UNC5D: variants seen among roughly 807,000 people sequenced by gnomAD.
UNC5D encodes the protein unc-5 netrin receptor D.
A neutral mutation model predicts 105.4 loss-of-function variants in UNC5D; 39 were observed. The observed-to-expected ratio is 0.37, with a 90% CI of 0.29 to 0.48. The LOEUF (loss-of-function observed/expected upper bound fraction) is 0.48. UNC5D is among the 20% of genes least tolerant of loss of function. The pLI, the probability that UNC5D is intolerant of heterozygous loss-of-function variation, is 0.98. For missense variants in UNC5D, 991 were observed against 1,202.4 expected (o/e 0.82, Z 2.60); for synonymous variants, 452 against 450.4 (o/e 1.00, Z -0.04).
At chr8:35,679,842 AT>A (rs1276286071) in intron 4 of UNC5D, among the ~76,000 whole-genome samples, 2 of 152,104 alleles carry the variant, frequency 1.3e-5, no homozygotes, top group African/African-American at 4.8e-5. Context: ...AAAGAAATTT[AT>A]TTCTTACCGT....
intron 1 of UNC5D, among the ~76,000 whole-genome samples, chr8:35,303,896 C>T (rs924664258): frequency 1.3e-5 from 2 of 152,096 alleles, no homozygotes; most frequent in South Asian, 4.1e-4. Flanking sequence ...CTCAGGTTCT[C>T]TAGTTGTATT....
At chr8:35,335,307 G>T (rs1449019187) in intron 1 of UNC5D, among the ~76,000 whole-genome samples, 1 of 152,144 alleles carries the variant, frequency 6.6e-6, no homozygotes, top group East Asian at 1.9e-4. Flanking sequence ...AAATAGAATG[G>T]CTGGGTCATG....
chr8:35,709,058 C>A (rs1827777768), intron 8 of UNC5D, among the ~76,000 whole-genome samples: 1 of 152,018 alleles, frequency 6.6e-6, no homozygotes, highest in African/African-American at 2.4e-5. Flanking sequence ...TCATCACAAT[C>A]TGACTATTCT....
intron 1 of UNC5D, among the ~76,000 whole-genome samples, chr8:35,391,826 G>A (rs1342337103): frequency 4.6e-5 from 7 of 152,202 alleles, no homozygotes; most frequent in Non-Finnish European, 1.0e-4. Context: ...AAAGTGAGAT[G>A]AGTGGATGTG....
rs1270955795 is a variant in UNC5D, at chr8:35,568,165, G to A, written c.390G>A (p.Glu130=). 6.2e-7 allele frequency: 1 copy of A among 1,614,172 alleles called. No homozygotes were observed. The highest frequency in any genetic ancestry group is 2.2e-5 in the East Asian group (1 of 44,860). ...AGGTGGAGGACTTCCATGGGCCCGA[G>A]GACTATTGGTGCCAGTGTGTGGCGT... ...RQQVEDFHGP[E]DYWCQCVAWS... is the part of the protein sequence containing the mutation. The change falls in exon 3 of 17, where the codon GAG becomes GAA. Residue 130 remains glutamate (E), a synonymous_variant. Transcript: ENST00000404895.
chr8:35,570,516 T>C (rs1563545866), intron 3 of UNC5D, among the ~76,000 whole-genome samples: 1 of 152,230 alleles, frequency 6.6e-6, no homozygotes. Context: ...TGCAGGTGTC[T>C]TAATCCTTAT....
chr8:35,612,723 C>CTTTTTTTTTTTTTTTTTTTTTTTTTT (rs57450378), intron 4 of UNC5D, among the ~76,000 whole-genome samples: 2 of 64,744 alleles, frequency 3.1e-5, no homozygotes, highest in Non-Finnish European at 5.2e-5. Context: ...AATGTTTTGC[C>CTTTTTTTTTTTTTTTTTTTTTTTTTT]TTTTTTTTTT....
chr8:35,567,075 C>CAA lies in UNC5D; in HGVS notation c.323-1010_323-1009dup, dbSNP rs374314252. On this transcript the variant is annotated intron_variant, in intron 2 of 16. Coordinates refer to ENST00000404895, the MANE Select transcript of UNC5D (RefSeq NM_080872.4). ...ATTTTAGAAGGAGGATGTAAAGTAA[C>CAA]AAAAAAAAAAAAAACCATTAAAAGG... 5.2e-3 allele frequency among the ~76,000 whole-genome samples: 658 copies of CAA among 126,646 alleles called. 7 individuals carry two copies. Among genetic ancestry groups the CAA allele is most frequent in the African/African-American group, 0.017 (591 of 34,620 alleles). 83.1% of individuals were successfully genotyped at this position (126,646 alleles called of 152,430 possible).
intron 11 of UNC5D, among the ~76,000 whole-genome samples, chr8:35,736,228 G>C (rs1165189110): frequency 2.0e-5 from 3 of 152,024 alleles, no homozygotes; most frequent in Non-Finnish European, 4.4e-5. Context: ...AAAATTAATA[G>C]GGCATGGGGG....
chr8:35,284,924 G>T (rs925665477), intron 1 of UNC5D, among the ~76,000 whole-genome samples: 57 of 152,062 alleles, frequency 3.7e-4, no homozygotes, highest in Admixed American at 3.7e-3. Flanking sequence ...ATATAGTAAA[G>T]TTCTTTTAAT....
intron 1 of UNC5D, among the ~76,000 whole-genome samples, chr8:35,284,324 A>G (rs1421340646): frequency 1.3e-5 from 2 of 152,194 alleles, no homozygotes; most frequent in African/African-American, 2.4e-5. Context: ...AAAATTCACT[A>G]CTTTTGGTGA....
intron 2 of UNC5D, among the ~76,000 whole-genome samples, chr8:35,558,989 A>C (rs745825396): frequency 8.0e-5 from 12 of 149,536 alleles, no homozygotes. Context: ...CTCCAGGGGA[A>C]AAAAAAAAAG....
At chr8:35,414,604 G>A (rs1805414703) in intron 1 of UNC5D, among the ~76,000 whole-genome samples, 4 of 151,972 alleles carry the variant, frequency 2.6e-5, no homozygotes, top group Admixed American at 1.3e-4. Flanking sequence ...AATTACACAG[G>A]CCATAAGTTT....
intron 1 of UNC5D, among the ~76,000 whole-genome samples, chr8:35,419,814 TC>T (rs1348048043): frequency 6.6e-6 from 1 of 152,118 alleles, no homozygotes; most frequent in African/African-American, 2.4e-5. Flanking sequence ...TTGTCCTGTG[TC>T]CAAGAAGAAT....
chr8:35,743,959 C>G (rs933636451), intron 11 of UNC5D, among the ~76,000 whole-genome samples: 3 of 152,178 alleles, frequency 2.0e-5, no homozygotes, highest in African/African-American at 7.2e-5. Flanking sequence ...TTATATTTCA[C>G]TTGTTATCTG....
rs538289054 is a variant in UNC5D, at chr8:35,518,039, T to G, written c.104-31253T>G. ...GGGATTAAGATTTCAACATGAATTT[T>G]GGGGGGGGCATAAACATTGTTGCAA... On this transcript the variant is annotated intron_variant, in intron 1 of 16. Transcript: ENST00000404895. Among the ~76,000 whole-genome samples the G allele has an allele frequency of 1.2e-4, 18 of 151,576 alleles. No homozygotes were observed. In the South Asian group the frequency reaches 3.6e-3, roughly 30 times the overall value.
At chr8:35,727,650 C>A (rs1235450453) in intron 10 of UNC5D, 1 of 152,102 alleles carries the variant, frequency 6.6e-6, no homozygotes, top group Non-Finnish European at 1.5e-5. Context: ...TCAAAATAGC[C>A]CTCAATGGCA....
intron 1 of UNC5D, among the ~76,000 whole-genome samples, chr8:35,304,681 T>A (rs1490276669): frequency 6.6e-6 from 1 of 152,028 alleles, no homozygotes. Flanking sequence ...TGTAAGCCAG[T>A]GTTATGTTTT....
At chr8:35,293,189 A>T (rs758063830) in intron 1 of UNC5D, among the ~76,000 whole-genome samples, 2 of 152,178 alleles carry the variant, frequency 1.3e-5, no homozygotes. Flanking sequence ...TGAAAGAGGT[A>T]GTGGAAGTAG....
Sources: allele counts gnomAD v4.1 joint callset (sites outside exome capture counted in the v4.1 genomes callset), GRCh38; gene constraint gnomAD v4.1.1; transcripts MANE v1.5; gene names NCBI Gene and HGNC (gene_info 2026-07-23, HGNC 2026-07-21).